Variants in ZNF565 observed in about 807,000 individuals in gnomAD.
The protein encoded by ZNF565 is zinc finger protein 565.
A neutral mutation model predicts 39.4 loss-of-function variants in ZNF565; 27 were observed. That is an observed-to-expected ratio of 0.69 (90% CI 0.51 to 0.95). The LOEUF is 0.95. Ranked by LOEUF, ZNF565 falls within the 40% of genes least tolerant of loss-of-function variation. ZNF565 has a pLI of 0.00. For synonymous variants in ZNF565, 185 were observed against 216.6 expected (o/e 0.85, Z 1.28); for missense variants, 524 against 621.1 (o/e 0.84, Z 1.66).
intron 1 of ZNF565, chr19:36,213,347 C>G (rs1409427989): frequency 6.6e-6 from 1 of 152,110 alleles, no homozygotes; most frequent in African/African-American, 2.4e-5. Flanking sequence ...TAGCTGGGAC[C>G]ACAGGTGTGG....
intron 4 of ZNF565, among the ~76,000 whole-genome samples, chr19:36,192,914 T>G (rs1975614645): frequency 6.6e-6 from 1 of 151,986 alleles, no homozygotes; most frequent in Non-Finnish European, 1.5e-5. Context: ...CCTCATGGGT[T>G]CAAGAGATTC....
chr19:36,235,503 T>C (rs994293762), intron 1 of ZNF565, among the ~76,000 whole-genome samples: 3 of 152,160 alleles, frequency 2.0e-5, no homozygotes, highest in Admixed American at 2.0e-4. Context: ...CCAGAGTTAA[T>C]CTCAAAAAAT....
chr19:36,211,345 A>T (rs1028519272), intron 1 of ZNF565, among the ~76,000 whole-genome samples: 2 of 151,894 alleles, frequency 1.3e-5, no homozygotes, highest in Non-Finnish European at 2.9e-5. Context: ...TGGGAGGCTG[A>T]GGCAGGAGAA....
intron 4 of ZNF565, among the ~76,000 whole-genome samples, chr19:36,184,785 C>T (rs1454453208): frequency 6.6e-6 from 1 of 152,146 alleles, no homozygotes; most frequent in Non-Finnish European, 1.5e-5. Context: ...AAAATCTCTG[C>T]TTAAACATTT....
At chr19:36,193,892 G>A (rs1207583423) in intron 4 of ZNF565, among the ~76,000 whole-genome samples, 2 of 151,862 alleles carry the variant, frequency 1.3e-5, no homozygotes, top group East Asian at 1.9e-4. Flanking sequence ...CTATGATCAC[G>A]CCACTGCACT....
upstream of ZNF565, among the ~76,000 whole-genome samples, chr19:36,219,024 G>A (rs1976730587): frequency 6.6e-6 from 1 of 151,172 alleles, no homozygotes; most frequent in Admixed American, 6.6e-5. Context: ...TAGCCAGGAT[G>A]GTCTCCATCT....
At chr19:36,193,412 C>T (rs989651520) in intron 4 of ZNF565, among the ~76,000 whole-genome samples, 1 of 151,632 alleles carries the variant, frequency 6.6e-6, no homozygotes, top group African/African-American at 2.4e-5. Context: ...GCCACCATAC[C>T]TGGCCAAGAA....
At chr19:36,203,792 G>C (rs1976053615) in intron 1 of ZNF565, among the ~76,000 whole-genome samples, 1 of 151,854 alleles carries the variant, frequency 6.6e-6, no homozygotes, top group Non-Finnish European at 1.5e-5. Flanking sequence ...GGCCAGGCTG[G>C]TCTTGAGCTC....
chr19:36,192,602 G>C (rs1568414006), intron 4 of ZNF565, among the ~76,000 whole-genome samples: 1 of 152,174 alleles, frequency 6.6e-6, no homozygotes, highest in African/African-American at 2.4e-5. Context: ...TTATCCAGGT[G>C]TGGTAGCGTG....
chr19:36,224,474 G>A (rs1286704756), intron 1 of ZNF565, among the ~76,000 whole-genome samples: 1 of 152,106 alleles, frequency 6.6e-6, no homozygotes, highest in Admixed American at 6.6e-5. Context: ...TCTGTTTCTG[G>A]GTGTGAGCAG....
intron 4 of ZNF565, among the ~76,000 whole-genome samples, chr19:36,191,374 A>G (rs903294960): frequency 7.2e-6 from 1 of 138,282 alleles, no homozygotes; most frequent in African/African-American, 2.8e-5. Context: ...GCTGGAGTGC[A>G]GTGGGGCAAT....
At chr19:36,186,059 C>T (rs532068014) in intron 4 of ZNF565, among the ~76,000 whole-genome samples, 47 of 151,478 alleles carry the variant, frequency 3.1e-4, no homozygotes, top group Admixed American at 1.6e-3. Flanking sequence ...TACAGTGGTG[C>T]GATCTCAGCT....
chr19:36,229,314 T>C (rs1977218427), intron 1 of ZNF565, among the ~76,000 whole-genome samples: 1 of 152,238 alleles, frequency 6.6e-6, no homozygotes, highest in African/African-American at 2.4e-5. Flanking sequence ...CCTACCTTTC[T>C]TCTGCTCCCA....
chr19:36,237,521 C>T (rs1185123044), intron 1 of ZNF565: 1 of 494,388 alleles, frequency 2.0e-6, no homozygotes, highest in Non-Finnish European at 3.4e-6. Flanking sequence ...ACAGAGAAAC[C>T]TGCAGCAGAG....
At position 36,197,548 on chromosome 19, in the gene ZNF565, G is replaced by A. The variant is rs542582741; in HGVS notation, c.10-2392C>T. Among the ~76,000 whole-genome samples the A allele has an allele frequency of 5.3e-5, 8 of 152,130 alleles. No homozygotes were observed. The South Asian group carries it at 6.2e-4, about 12-fold the overall frequency. On this transcript the variant is annotated intron_variant, in intron 2 of 4. Transcript: ENST00000304116. Reference sequence around the variant, plus strand: ...GTTAGAAAGGAGGGCAGGCAGGCAGGCAGAAAGACAGAGACTGTTATTGGT... The same window carrying A: ...GTTAGAAAGGAGGGCAGGCAGGCAGACAGAAAGACAGAGACTGTTATTGGT...
chr19:36,224,910 G>A (rs1347776077), intron 1 of ZNF565, among the ~76,000 whole-genome samples: 1 of 152,098 alleles, frequency 6.6e-6, no homozygotes, highest in Non-Finnish European at 1.5e-5. Context: ...ATGTTGCTAT[G>A]AATGGAGTCA....
upstream of ZNF565, among the ~76,000 whole-genome samples, chr19:36,219,558 G>T (rs528406180): frequency 1.3e-5 from 2 of 152,138 alleles, no homozygotes; most frequent in Admixed American, 6.6e-5. Flanking sequence ...TACATCAGAG[G>T]TGATCTTACA....
chr19:36,227,726 G>A (rs941069920), intron 1 of ZNF565, among the ~76,000 whole-genome samples: 1 of 152,086 alleles, frequency 6.6e-6, no homozygotes, highest in African/African-American at 2.4e-5. Flanking sequence ...AGCTAATTTT[G>A]TATTTTTATA....
At chr19:36,192,908 A>C (rs12973781) in intron 4 of ZNF565, among the ~76,000 whole-genome samples, 99,245 of 151,434 alleles carry the variant, frequency 0.66, 32,909 homozygotes, top group African/African-American at 0.76. Context: ...TCTCCACCTC[A>C]TGGGTTCAAG....
Sources: gnomAD v4.1 joint callset for allele counts (sites outside exome capture counted in the v4.1 genomes callset) on GRCh38, gnomAD v4.1.1 for gene constraint, MANE v1.5 for transcripts, NCBI Gene and HGNC (gene_info 2026-07-23, HGNC 2026-07-21) for gene names.